The following NRXN1 variants were observed in gnomAD, a reference collection of about 807,000 sequenced individuals.
The protein encoded by NRXN1 is neurexin-1.
A neutral mutation model predicts 150.9 loss-of-function variants in NRXN1; 39 were observed. The ratio of observed to expected loss-of-function variants is 0.26; its 90% CI spans 0.20 to 0.34. The LOEUF is 0.34. Ranked by LOEUF, NRXN1 falls within the 10% of genes least tolerant of loss-of-function variation. NRXN1 has a pLI of 1.00. For missense variants in NRXN1, 1,815 were observed against 1,949.9 expected (o/e 0.93, Z 1.30); for synonymous variants, 924 against 757.0 (o/e 1.22, Z -3.62).
Position 50,699,562 on chromosome 2 carries a change from A to G in NRXN1, c.833-75947T>C, listed in dbSNP as rs572613653. ...GGAAGGGGCACCTGGAAAGCATGAA[A>G]TGGAATGAGGGCAGCCTCCAACCAA... On this transcript the variant is annotated intron_variant, in intron 5 of 22. Transcript: ENST00000401669. Among the ~76,000 whole-genome samples the G allele has an allele frequency of 9.2e-4, 140 of 152,162 alleles. 1 individual carries two copies. Among genetic ancestry groups the G allele is most frequent in the Non-Finnish European group, 1.7e-3 (114 of 68,000 alleles).
At chr2:50,666,410 T>C (rs761172179) in intron 5 of NRXN1, among the ~76,000 whole-genome samples, 4 of 151,984 alleles carry the variant, frequency 2.6e-5, no homozygotes, top group Non-Finnish European at 4.4e-5. Context: ...GGGAGTATAA[T>C]GGCTAGATTA....
intron 16 of NRXN1, among the ~76,000 whole-genome samples, chr2:50,470,545 A>C (rs958103948): frequency 5.3e-5 from 8 of 151,898 alleles, no homozygotes; most frequent in African/African-American, 1.9e-4. Flanking sequence ...TAAAATTTCC[A>C]TGTACTTAAG....
At chr2:49,970,037 G>A (rs966842259) in intron 21 of NRXN1, 3 of 151,952 alleles carry the variant, frequency 2.0e-5, no homozygotes, top group African/African-American at 4.8e-5. Flanking sequence ...ACTTATTTTG[G>A]CTCCCCAAAA....
intron 19 of NRXN1, among the ~76,000 whole-genome samples, chr2:50,061,260 A>T (rs1366112669): frequency 6.6e-6 from 1 of 152,204 alleles, no homozygotes; most frequent in African/African-American, 2.4e-5. Flanking sequence ...TAGACCTTAC[A>T]TGCAATATAA....
intron 17 of NRXN1, among the ~76,000 whole-genome samples, chr2:50,414,977 C>A (rs761698442): frequency 2.0e-5 from 3 of 152,058 alleles, no homozygotes; most frequent in Non-Finnish European, 4.4e-5. Context: ...GAAGCTCTTT[C>A]AATGGACACC....
chr2:50,173,823 A>T (rs181493102), intron 18 of NRXN1, among the ~76,000 whole-genome samples: 5 of 152,316 alleles, frequency 3.3e-5, no homozygotes, highest in Non-Finnish European at 1.5e-5. Context: ...AAGGTCATGT[A>T]ACAAGTAGTC....
intron 18 of NRXN1, among the ~76,000 whole-genome samples, chr2:50,149,301 G>A (rs1395060920): frequency 2.0e-5 from 3 of 151,648 alleles, no homozygotes; most frequent in Admixed American, 6.6e-5. Context: ...AAAGACAAAG[G>A]GTGGCCATTT....
chr2:50,840,168 T>C (rs1399070757), intron 5 of NRXN1, among the ~76,000 whole-genome samples: 1 of 152,156 alleles, frequency 6.6e-6, no homozygotes, highest in South Asian at 2.1e-4. Flanking sequence ...CTCTACATAA[T>C]AGTTACAAAT....
intron 5 of NRXN1, among the ~76,000 whole-genome samples, chr2:50,727,305 C>T (rs973044278): frequency 6.6e-6 from 1 of 152,156 alleles, no homozygotes; most frequent in Non-Finnish European, 1.5e-5. Context: ...TTACAACATA[C>T]ATGCTTTGTG....
intron 5 of NRXN1, among the ~76,000 whole-genome samples, chr2:50,640,280 C>A (rs1471782790): frequency 6.6e-6 from 1 of 152,026 alleles, no homozygotes; most frequent in Non-Finnish European, 1.5e-5. Context: ...AGAGATATGA[C>A]CTAGGCATTC....
intron 18 of NRXN1, among the ~76,000 whole-genome samples, chr2:50,131,561 A>G (rs1705497994): frequency 6.6e-6 from 1 of 152,178 alleles, no homozygotes; most frequent in Non-Finnish European, 1.5e-5. Context: ...CACAGAATTG[A>G]CACTAAGTTC....
intron 8 of NRXN1, among the ~76,000 whole-genome samples, chr2:50,601,550 G>T (rs983411099): frequency 3.9e-5 from 6 of 152,178 alleles, no homozygotes; most frequent in Non-Finnish European, 7.3e-5. Context: ...GTTGTTCAAA[G>T]ATATCCAAAA....
At chr2:50,348,443 A>T (rs1337280526) in intron 17 of NRXN1, among the ~76,000 whole-genome samples, 3 of 152,220 alleles carry the variant, frequency 2.0e-5, no homozygotes, top group Non-Finnish European at 2.9e-5. Flanking sequence ...ATTTCAGTCA[A>T]TATTTTAGGA....
chr2:50,406,180 G>A (rs1342652310), intron 17 of NRXN1, among the ~76,000 whole-genome samples: 1 of 151,916 alleles, frequency 6.6e-6, no homozygotes, highest in Non-Finnish European at 1.5e-5. Context: ...ATACCTCTAG[G>A]AATAAGTCTT....
At chr2:50,875,016 T>C (rs1163742792) in intron 5 of NRXN1, among the ~76,000 whole-genome samples, 1 of 151,842 alleles carries the variant, frequency 6.6e-6, no homozygotes, top group Non-Finnish European at 1.5e-5. Context: ...TATATGTTAG[T>C]GAATATAAAA....
chr2:50,079,437 C>G (rs1489193266), intron 19 of NRXN1, among the ~76,000 whole-genome samples: 1 of 152,078 alleles, frequency 6.6e-6, no homozygotes, highest in Non-Finnish European at 1.5e-5. Flanking sequence ...ATGTGGTTCT[C>G]AAAGCCAAAG....
At chr2:50,003,713 A>T (rs1334016065) in intron 21 of NRXN1, among the ~76,000 whole-genome samples, 1 of 152,186 alleles carries the variant, frequency 6.6e-6, no homozygotes, top group Non-Finnish European at 1.5e-5. Flanking sequence ...TTGTTTTAAA[A>T]TTTCCATACC....
At chr2:50,569,865 T>C (rs1329559564) in intron 8 of NRXN1, among the ~76,000 whole-genome samples, 1 of 152,158 alleles carries the variant, frequency 6.6e-6, no homozygotes, top group Non-Finnish European at 1.5e-5. Flanking sequence ...TAAAACATTT[T>C]AGCTCTCCAC....
chr2:50,837,727 T>C (rs780498835), intron 5 of NRXN1, among the ~76,000 whole-genome samples: 12 of 152,128 alleles, frequency 7.9e-5, no homozygotes, highest in Non-Finnish European at 1.5e-4. Context: ...AGAAATATTT[T>C]TGCATAAGCC....
Sources: allele counts gnomAD v4.1 joint callset (sites outside exome capture counted in the v4.1 genomes callset), GRCh38; gene constraint gnomAD v4.1.1; transcripts MANE v1.5; gene names NCBI Gene and HGNC (gene_info 2026-07-23, HGNC 2026-07-21).